Variants in FHIP2B observed in about 807,000 individuals in gnomAD.
The protein encoded by FHIP2B is FHF complex subunit HOOK-interacting protein 2B.
FHIP2B carries 72 observed loss-of-function variants against 84.0 expected under a neutral mutation model. That is an observed-to-expected ratio of 0.86 (90% CI 0.71 to 1.04). The LOEUF (loss-of-function observed/expected upper bound fraction) is 1.04, where lower values mean the gene tolerates loss of function less well. FHIP2B is among the 50% of genes least tolerant of loss of function. FHIP2B has a pLI of 0.00. For synonymous variants in FHIP2B, 497 were observed against 418.7 expected, an observed-to-expected ratio of 1.19 and a Z score of -2.28; for missense variants, 972 against 968.9, an observed-to-expected ratio of 1.00 and a Z score of -0.04.
chr8:22,102,287 G>A lies in FHIP2B; in HGVS notation c.1964G>A (p.Cys655Tyr), dbSNP rs369103098. 5 of 1,612,832 alleles carry A rather than the reference G, an allele frequency of 3.1e-6. No homozygotes were observed. The highest frequency in any genetic ancestry group is 2.2e-5 in the South Asian group (2 of 91,082). The change falls in exon 15 of 17, where the codon TGC becomes TAC. Residue 655 changes from cysteine to tyrosine, a missense_variant. By Grantham distance (194) the Cys-to-Tyr change is radical (BLOSUM62 -2). Coordinates refer to ENST00000289921, the MANE Select transcript of FHIP2B (RefSeq NM_022749.7). ...LDPYISLAPGCRSLFSVLVRV... is the reference protein window; with the variant it reads ...LDPYISLAPGYRSLFSVLVRV... ...CCGTACATCAGCCTGGCCCCCGGCT[G>A]CAGGAGCCTATTCTCCGTGTTGGTG...
rs774165278 is a variant in FHIP2B, at chr8:22,098,057, CCT to C, written c.526-8_526-7del. ...CCCACCAGGTCTGGCCTCATCTCAC[CCT>C]CTTTTCAGGGTAAAAAGATTGTAGG... On this transcript the variant is annotated splice_polypyrimidine_tract_variant and intron_variant, in intron 5 of 16. Transcript: ENST00000289921. 8 of 1,585,632 alleles carry C rather than the reference CCT, an allele frequency of 5.0e-6. No homozygotes were observed. Among genetic ancestry groups the C allele is most frequent in the Middle Eastern group, 1.7e-4 (1 of 5,996 alleles).
intron 12 of FHIP2B, 144 bp downstream of exon 12, chr8:22,101,116 G>C: frequency 9.3e-7 from 1 of 1,069,988 alleles, no homozygotes. Context: ...CCCGGGTTCC[G>C]GATCCAAGCG....
rs200785895 is a variant in FHIP2B at position 22,097,670 on chromosome 8, C to G, written c.403-47C>G. The G allele has an allele frequency of 1.2e-5, 20 of 1,607,088 alleles. No homozygotes were observed. The African/African-American group carries it at 1.7e-4, about 14-fold the overall frequency. On this transcript the variant is annotated intron_variant, in intron 4 of 16. Transcript: ENST00000289921. ...TGTCTGGGTGTGAGGCCCCCTCTCT[C>G]CCCTGCCACCCCTCTCCCCTCTGTT...
At position 22,103,649 on chromosome 8, in the gene FHIP2B, C is replaced by T. The variant is rs1024475174; in HGVS notation, c.*718C>T. On this transcript the variant is annotated 3_prime_UTR_variant, in exon 17 of 17. Transcript: ENST00000289921. ...TCAGGTCCAGCTGGTTCCTCTCTGG[C>T]GCCTTCTGAACCCGTCTCAGCAGGT... 117 of 152,370 alleles carry T rather than the reference C, an allele frequency of 7.7e-4. 1 individual carries two copies. The highest frequency in any genetic ancestry group is 8.9e-4 in the Non-Finnish European group (61 of 68,168). 9.4% of individuals were successfully genotyped at this position (152,370 alleles called of 1,614,324 possible). A position where few individuals can be genotyped will look rare whatever the true frequency, so the allele number is the denominator to read the frequency against.
rs957604264 is a variant in FHIP2B at position 22,104,326 on chromosome 8, A to G, written c.*1395A>G. 6.6e-6 allele frequency: 1 copy of G among 152,410 alleles called. No homozygotes were observed. The highest frequency in any genetic ancestry group is 6.5e-5 in the Admixed American group (1 of 15,276). The allele number at this position is 152,410 out of a possible 1,614,324, so 9.4% of individuals were successfully genotyped here. A position where few individuals can be genotyped will look rare whatever the true frequency, so the allele number is the denominator to read the frequency against. ...TCCCCTCTCCTCAGTGCACTTTGGC[A>G]TTTGCACGGTGTCTTCCCCGGACAG... On this transcript the variant is annotated 3_prime_UTR_variant, in exon 17 of 17. Transcript: ENST00000289921.
Position 22,102,969 on chromosome 8 carries a change from T to A in FHIP2B, c.*38T>A. On this transcript the variant is annotated 3_prime_UTR_variant, in exon 17 of 17. Coordinates refer to ENST00000289921, the MANE Select transcript of FHIP2B (RefSeq NM_022749.7). ...GCGGTGGGAGACTCCTGTCCACACC[T>A]CTGCCCCAGAGCTGCCTCCTGCCTG... is the stretch of plus-strand genomic sequence containing the variant. 6.3e-7 allele frequency: 1 copy of A among 1,598,338 alleles called. No individual in the cohort carries two copies. Among genetic ancestry groups the A allele is most frequent in the South Asian group, 1.1e-5 (1 of 89,032 alleles).
Position 22,101,432 on chromosome 8 carries a change from T to A in FHIP2B, c.1617-8T>A. 6.2e-7 allele frequency: 1 copy of A among 1,603,590 alleles called. No homozygotes were observed. The highest frequency in any genetic ancestry group is 8.5e-7 in the Non-Finnish European group (1 of 1,174,598). ...GGGAGCGCCTCCACACCGGCTTCTA[T>A]CTCTCAGTTTCCTGTGCCTGGTCCC... is the stretch of plus-strand genomic sequence containing the variant. On this transcript the variant is annotated splice_region_variant and splice_polypyrimidine_tract_variant and intron_variant, in intron 12 of 16. Coordinates refer to ENST00000289921, the MANE Select transcript of FHIP2B (RefSeq NM_022749.7).
At position 22,089,313 on chromosome 8, in the gene FHIP2B, G is replaced by T; in HGVS notation, c.45+15G>T. On this transcript the variant is annotated intron_variant, in intron 1 of 16. Transcript: ENST00000289921. The stretch of plus-strand genomic sequence containing the variant: ...CCGTGGGGGCGGTGAGGCCGGCAGG[G>T]CCGGGCCGGGCCGCCGGGAGTCGCG... 9.9e-7 allele frequency: 1 copy of T among 1,009,330 alleles called. No homozygotes were observed. Among genetic ancestry groups the T allele is most frequent in the Non-Finnish European group, 1.2e-6 (1 of 846,998 alleles). The allele number at this position is 1,009,330 out of a possible 1,614,324, so 62.5% of individuals were successfully genotyped here. A position where few individuals can be genotyped will look rare whatever the true frequency, so the allele number is the denominator to read the frequency against.
chr8:22,089,251 A>G lies in FHIP2B; in HGVS notation c.-3A>G. The G allele has an allele frequency of 2.8e-6, 3 of 1,058,200 alleles. No homozygotes were observed. The highest frequency in any genetic ancestry group is 3.4e-6 in the Non-Finnish European group (3 of 878,534). 65.6% of individuals were successfully genotyped at this position (1,058,200 alleles called of 1,614,324 possible). A position where few individuals can be genotyped will look rare whatever the true frequency, so the allele number is the denominator to read the frequency against. ...GCCCGGGAGCCGGGGGCCGGGCGCC[A>G]TCATGCTGAGCCGGCTCGGGGCGCT... On this transcript the variant is annotated 5_prime_UTR_variant, in exon 1 of 17. Transcript: ENST00000289921.
rs1826076199 is a variant in FHIP2B at position 22,100,941 on chromosome 8, GGCAAAACA to G, written c.1589_1596del (p.Lys530SerfsTer28). 2 of 1,613,844 alleles carry G rather than the reference GGCAAAACA, an allele frequency of 1.2e-6. No homozygotes were observed. The highest frequency in any genetic ancestry group is 1.7e-6 in the Non-Finnish European group (2 of 1,179,870). On this transcript the variant is annotated frameshift_variant, in exon 12 of 17. Coordinates refer to ENST00000289921, the MANE Select transcript of FHIP2B (RefSeq NM_022749.7). LOFTEE classifies it high-confidence loss of function. ...CCTAGCTCCTGCTACCAGTTACGAT[GGCAAAACA>G]GCAGTGACCGAGATCGTCAACAGGT...
chr8:22,098,184 G>T lies in FHIP2B; in HGVS notation c.642G>T (p.Gln214His). The T allele has an allele frequency of 6.3e-7, 1 of 1,576,446 alleles. No individual in the cohort carries two copies. Among genetic ancestry groups the T allele is most frequent in the South Asian group, 1.2e-5 (1 of 86,104 alleles). The change falls in exon 6 of 17, where the codon CAG (glutamine) becomes CAT (histidine). Residue 214 changes from glutamine (Q) to histidine (H), a missense_variant. By Grantham distance (24) the Gln-to-His change is conservative (BLOSUM62 0). Coordinates refer to ENST00000289921, the MANE Select transcript of FHIP2B (RefSeq NM_022749.7). Reference protein sequence around the residue: ...CSHDGAPARPQLDGESCGAQA... With the variant: ...CSHDGAPARPHLDGESCGAQA... ...ACGATGGTGCTCCTGCCAGGCCCCA[G>T]CTGGACGGGGAGTCCTGTGGGGCCC...
At chr8:22,092,586 T>G (rs1363560684) in intron 1 of FHIP2B, among the ~76,000 whole-genome samples, 1 of 122,898 alleles carries the variant, frequency 8.1e-6, no homozygotes. Context: ...TTTTTGAGAC[T>G]CTGTCTCAGA....
chr8:22,099,460 G>C (rs1346545769), intron 9 of FHIP2B, 100 bp downstream of exon 9: 8 of 1,324,030 alleles, frequency 6.0e-6, no homozygotes, highest in Non-Finnish European at 8.3e-6. Context: ...TTCTTGACCA[G>C]AATCCCATTT....
Position 22,089,209 on chromosome 8 carries a change from C to T in FHIP2B, c.-45C>T. ...GGGGCTGCCTCCTCCGCCTAGAGCG[C>T]TGCCGCCGCCGCTTTCGCCCGGGAG... is the stretch of plus-strand genomic sequence containing the variant. On this transcript the variant is annotated 5_prime_UTR_variant, in exon 1 of 17. Transcript: ENST00000289921. The T allele has an allele frequency of 9.5e-7, 1 of 1,054,784 alleles. No homozygotes were observed. Among genetic ancestry groups the T allele is most frequent in the Non-Finnish European group, 1.1e-6 (1 of 874,910 alleles). 65.3% of individuals were successfully genotyped at this position (1,054,784 alleles called of 1,614,324 possible).
rs1269672121 is a variant in FHIP2B, at chr8:22,103,476, C to G, written c.*545C>G. ...GGGATCGTCGGGGAAGCCCCTCTTCCTGCTCTGCTCCCCTGGAAACTGTTG... is the reference window on the plus strand; with the variant it reads ...GGGATCGTCGGGGAAGCCCCTCTTCGTGCTCTGCTCCCCTGGAAACTGTTG... On this transcript the variant is annotated 3_prime_UTR_variant, in exon 17 of 17. Transcript: ENST00000289921. 1 of 152,760 alleles carries G rather than the reference C, an allele frequency of 6.5e-6. No individual in the cohort carries two copies. The highest frequency in any genetic ancestry group is 2.4e-5 in the African/African-American group (1 of 41,486). The allele number at this position is 152,760 out of a possible 1,614,324, so 9.5% of individuals were successfully genotyped here.
chr8:22,100,073 T>C (rs1826021314), intron 10 of FHIP2B, 180 bp downstream of exon 10: 2 of 646,004 alleles, frequency 3.1e-6, no homozygotes, highest in African/African-American at 3.8e-5. Flanking sequence ...ACTTTTTTTT[T>C]TTTTTTTTAA....
In FHIP2B at chr8:22,097,839, A is replaced by G. The variant is rs756714973; in HGVS notation, c.525A>G (p.Glu175=). The change falls in exon 5 of 17, where the codon GAA becomes GAG. Residue 175 remains glutamate (E), a splice_region_variant and synonymous_variant. Transcript: ENST00000289921. The part of the protein sequence containing the change: ...QDPELLAYIL[E]GKKIVGRKKA... ...CAGAGCTGCTCGCCTACATCCTGGA[A>G]GTGAGCACTCTGATCGGGAACAGGA... 2 of 1,612,576 alleles carry G rather than the reference A, an allele frequency of 1.2e-6. No homozygotes were observed. Among genetic ancestry groups the G allele is most frequent in the South Asian group, 2.2e-5 (2 of 91,064 alleles).
rs546729851 is a variant in FHIP2B at position 22,094,661 on chromosome 8, CCAGA to C, written c.124+152_124+155del. The C allele has an allele frequency of 1.0e-3, 1,505 of 1,499,684 alleles. 3 individuals are homozygous for C. Among genetic ancestry groups the C allele is most frequent in the Middle Eastern group, 4.0e-3 (23 of 5,794 alleles). The allele number at this position is 1,499,684 out of a possible 1,614,324, so 92.9% of individuals were successfully genotyped here. A position where few individuals can be genotyped will look rare whatever the true frequency, so the allele number is the denominator to read the frequency against. On this transcript the variant is annotated intron_variant, in intron 2 of 16. Transcript: ENST00000289921. ...GAGCCGAGTTCACGGAGACAGAGAA[CCAGA>C]CAGACAGAAGACCCAGAGCCCTGGG...
chr8:22,089,642 G>A, intron 1 of FHIP2B: 1 of 519,238 alleles, frequency 1.9e-6, no homozygotes, highest in Non-Finnish European at 3.0e-6. Context: ...CCTGCCCCCC[G>A]GGGCCCTAGG....
Sources: gnomAD v4.1 joint callset for allele counts (sites outside exome capture counted in the v4.1 genomes callset) on GRCh38, gnomAD v4.1.1 for gene constraint, MANE v1.5 for transcripts, NCBI Gene and HGNC (gene_info 2026-07-23, HGNC 2026-07-21) for gene names.